Variants in OPCML observed in about 807,000 individuals in gnomAD.
OPCML encodes the protein opioid-binding protein/cell adhesion molecule.
Under a neutral mutation model 37.8 loss-of-function variants are expected in OPCML, and 13 were observed. The ratio of observed to expected loss-of-function variants is 0.34; its 90% CI spans 0.22 to 0.55. The LOEUF is 0.55. OPCML is among the 20% of genes least tolerant of loss of function. OPCML has a pLI of 0.91. For missense variants in OPCML, 341 were observed against 435.6 expected, an observed-to-expected ratio of 0.78 and a Z score of 1.93; for synonymous variants, 176 against 168.8, an observed-to-expected ratio of 1.04 and a Z score of -0.33.
At chr11:132,952,385 TA>T (rs529297210) in intron 1 of OPCML, among the ~76,000 whole-genome samples, 3 of 152,158 alleles carry the variant, frequency 2.0e-5, no homozygotes, top group Non-Finnish European at 4.4e-5. Context: ...TACTGTCCTC[TA>T]AAAAACCCAA....
chr11:133,052,226 A>G (rs1948145610), intron 1 of OPCML, among the ~76,000 whole-genome samples: 1 of 152,248 alleles, frequency 6.6e-6, no homozygotes, highest in South Asian at 2.1e-4. Flanking sequence ...ACGAATAATG[A>G]TGAGTTTCAA....
At chr11:132,683,673 C>G (rs1943047131) in intron 2 of OPCML, among the ~76,000 whole-genome samples, 1 of 152,280 alleles carries the variant, frequency 6.6e-6, no homozygotes, top group Non-Finnish European at 1.5e-5. Flanking sequence ...ATTACTACAG[C>G]CCAGTATTTC....
intron 4 of OPCML, among the ~76,000 whole-genome samples, chr11:132,466,207 C>T (rs904425806): frequency 1.3e-4 from 20 of 151,932 alleles, no homozygotes; most frequent in Admixed American, 3.3e-4. Context: ...TTGTTTAGGC[C>T]GCGCACGGTG....
intron 1 of OPCML, among the ~76,000 whole-genome samples, chr11:133,071,437 A>T (rs1252311398): frequency 6.6e-6 from 1 of 152,204 alleles, no homozygotes; most frequent in African/African-American, 2.4e-5. Flanking sequence ...TATGTTTGAG[A>T]CATAGTTGTA....
At chr11:132,612,783 A>G (rs1475489454) in intron 3 of OPCML, among the ~76,000 whole-genome samples, 1 of 152,172 alleles carries the variant, frequency 6.6e-6, no homozygotes, top group East Asian at 1.9e-4. Flanking sequence ...GCAAACGTGC[A>G]CTAGCAAGCC....
chr11:133,215,568 A>G (rs1257935567), intron 1 of OPCML, among the ~76,000 whole-genome samples: 1 of 152,174 alleles, frequency 6.6e-6, no homozygotes, highest in Non-Finnish European at 1.5e-5. Context: ...AGATTGGTGA[A>G]AAGAAAACTG....
chr11:132,586,706 T>C lies in OPCML; in HGVS notation c.380-57520A>G, dbSNP rs533370377. On this transcript the variant is annotated intron_variant, in intron 3 of 7. Coordinates refer to ENST00000524381, the MANE Select transcript of OPCML (RefSeq NM_001012393.5). ...ACTATATCAATGACACTGTGCTCAA[T>C]AGAACAGATGAACAAGGAGTGGCAA... Among the ~76,000 whole-genome samples, 5 of 152,232 alleles carry C rather than the reference T, an allele frequency of 3.3e-5. 1 individual carries two copies. Among genetic ancestry groups the C allele is most frequent in the African/African-American group, 1.2e-4 (5 of 41,528 alleles).
intron 2 of OPCML, among the ~76,000 whole-genome samples, chr11:132,923,155 T>C (rs1166995555): frequency 6.6e-6 from 1 of 152,122 alleles, no homozygotes; most frequent in Non-Finnish European, 1.5e-5. Flanking sequence ...GTTAACAGTA[T>C]ATACATTCCG....
intron 2 of OPCML, among the ~76,000 whole-genome samples, chr11:132,914,301 C>A: frequency 6.6e-6 from 1 of 152,216 alleles, no homozygotes; most frequent in East Asian, 1.9e-4. Context: ...AAGTCAATAT[C>A]GCTTGATCCA....
intron 1 of OPCML, among the ~76,000 whole-genome samples, chr11:133,216,568 A>T (rs1366551219): frequency 6.6e-6 from 1 of 152,186 alleles, no homozygotes; most frequent in Non-Finnish European, 1.5e-5. Flanking sequence ...TATATTTTAT[A>T]TTCATTATCT....
chr11:133,305,484 A>C (rs1942893060), intron 1 of OPCML, among the ~76,000 whole-genome samples: 1 of 152,254 alleles, frequency 6.6e-6, no homozygotes, highest in Non-Finnish European at 1.5e-5. Flanking sequence ...AGAATTATTT[A>C]AGTGCCTTGC....
intron 4 of OPCML, among the ~76,000 whole-genome samples, chr11:132,526,178 A>G (rs2096307889): frequency 6.6e-6 from 1 of 152,204 alleles, no homozygotes. Context: ...CAGGACATTT[A>G]CACAAAGTTA....
intron 1 of OPCML, among the ~76,000 whole-genome samples, chr11:133,196,520 C>T (rs550306036): frequency 1.3e-5 from 2 of 152,262 alleles, no homozygotes; most frequent in East Asian, 3.9e-4. Flanking sequence ...TGCTTGATAC[C>T]AGAGGGGATA....
At chr11:133,462,334 T>C (rs954639486) in intron 1 of OPCML, among the ~76,000 whole-genome samples, 12 of 150,800 alleles carry the variant, frequency 8.0e-5, no homozygotes, top group Admixed American at 2.6e-4. Context: ...AAACAGTAGA[T>C]AAATTGGACT....
chr11:132,801,589 G>T (rs1001633861), intron 2 of OPCML, among the ~76,000 whole-genome samples: 2 of 152,090 alleles, frequency 1.3e-5, no homozygotes, highest in Non-Finnish European at 2.9e-5. Context: ...CAAATAAATT[G>T]CATTGAATAT....
chr11:133,408,984 C>A (rs1945587171), intron 1 of OPCML, among the ~76,000 whole-genome samples: 1 of 152,184 alleles, frequency 6.6e-6, no homozygotes, highest in South Asian at 2.1e-4. Context: ...TTGGTTTTCA[C>A]TAAACTTAGA....
At chr11:132,959,085 G>T (rs1220469819) in intron 1 of OPCML, among the ~76,000 whole-genome samples, 1 of 152,212 alleles carries the variant, frequency 6.6e-6, no homozygotes, top group African/African-American at 2.4e-5. Context: ...GATTCACCAT[G>T]CTAAATGCCA....
In OPCML at chr11:133,343,470, T is replaced by A. The variant is rs143927966; in HGVS notation, c.61+188794A>T. ...ACTGAAACAGAGCCAAGCCTTATAT[T>A]GCAATTTCCTTCTGCCTGAGATCAG... On this transcript the variant is annotated intron_variant, in intron 1 of 7. Transcript: ENST00000524381. Among the ~76,000 whole-genome samples, 424 of 152,332 alleles carry A rather than the reference T, an allele frequency of 2.8e-3. 3 individuals carry two copies. The highest frequency in any genetic ancestry group is 9.2e-3 in the African/African-American group (381 of 41,576).
intron 3 of OPCML, among the ~76,000 whole-genome samples, chr11:132,567,483 G>A (rs1425635759): frequency 6.6e-6 from 1 of 152,094 alleles, no homozygotes; most frequent in Non-Finnish European, 1.5e-5. Flanking sequence ...TTATGAAAGT[G>A]GAAAACACAG....
Sources: allele counts gnomAD v4.1 joint callset (sites outside exome capture counted in the v4.1 genomes callset), GRCh38; gene constraint gnomAD v4.1.1; transcripts MANE v1.5; gene names NCBI Gene and HGNC (gene_info 2026-07-23, HGNC 2026-07-21).